ADCY2: variants seen among roughly 807,000 people sequenced by gnomAD.
The protein encoded by ADCY2 is adenylate cyclase type 2.
ADCY2 carries 31 observed loss-of-function variants against 125.2 expected under a neutral mutation model. The ratio of observed to expected loss-of-function variants is 0.25; its 90% CI spans 0.19 to 0.33. The LOEUF is 0.33. Ranked by LOEUF, ADCY2 falls within the 10% of genes least tolerant of loss-of-function variation. The probability of loss-of-function intolerance (pLI) is 1.00; values close to 1 mark genes in which losing one functional copy is unlikely to be tolerated. For synonymous variants in ADCY2, 512 were observed against 548.4 expected (o/e 0.93, Z 0.93); for missense variants, 904 against 1,418.2 (o/e 0.64, Z 5.82).
chr5:7,471,080 T>C (rs906211935), intron 2 of ADCY2, among the ~76,000 whole-genome samples: 2 of 151,870 alleles, frequency 1.3e-5, no homozygotes, highest in Admixed American at 6.6e-5. Flanking sequence ...ATATAGCCAC[T>C]CTAGTTTTCT....
chr5:7,789,558 CT>C, intron 19 of ADCY2, 83 bp from the exon 20 acceptor site: 1 of 1,389,152 alleles, frequency 7.2e-7, no homozygotes. Context: ...TCATTTTGTT[CT>C]TTTTGTTTTC....
At position 7,802,078 on chromosome 5, in the gene ADCY2, G is replaced by A. The variant is rs1046315846; in HGVS notation, c.2629-140G>A. 2.4e-5 allele frequency: 22 copies of A among 900,170 alleles called. No individual in the cohort carries two copies. Among genetic ancestry groups the A allele is most frequent in the Admixed American group, 1.6e-4 (6 of 37,750 alleles). 55.8% of individuals were successfully genotyped at this position (900,170 alleles called of 1,614,324 possible). A position where few individuals can be genotyped will look rare whatever the true frequency, so the allele number is the denominator to read the frequency against. On this transcript the variant is annotated intron_variant, in intron 20 of 24. Coordinates refer to ENST00000338316, the MANE Select transcript of ADCY2 (RefSeq NM_020546.3). The surrounding 1 kb of genome is among the most constrained non-coding windows in gnomAD (Gnocchi z 4.6). Reference sequence around the variant, plus strand: ...GCAGCGGCAGCATCTGGATTGGGCCGCGGCTGGGGTGGGGCAAGTGGAGTA... The same window carrying A: ...GCAGCGGCAGCATCTGGATTGGGCCACGGCTGGGGTGGGGCAAGTGGAGTA...
chr5:7,481,457 C>T (rs1253187514), intron 2 of ADCY2, among the ~76,000 whole-genome samples: 2 of 151,034 alleles, frequency 1.3e-5, no homozygotes, highest in Admixed American at 6.6e-5. Context: ...TTAGTAGAGA[C>T]GGGGTTTCAC....
chr5:7,589,483 A>G (rs1453681482), intron 3 of ADCY2, among the ~76,000 whole-genome samples: 4 of 63,666 alleles, frequency 6.3e-5, no homozygotes, highest in African/African-American at 1.4e-4. Context: ...AGAAAGAAAG[A>G]AAGAAAGAAA....
chr5:7,733,353 T>C (rs943668271), intron 14 of ADCY2, among the ~76,000 whole-genome samples: 29 of 152,354 alleles, frequency 1.9e-4, no homozygotes, highest in African/African-American at 6.3e-4. Context: ...CAGAGTGATG[T>C]AGACAAGTCT....
intron 2 of ADCY2, among the ~76,000 whole-genome samples, chr5:7,509,198 T>G (rs1183494897): frequency 6.6e-6 from 1 of 152,168 alleles, no homozygotes; most frequent in South Asian, 2.1e-4. Flanking sequence ...AGAAAATGCA[T>G]GTATATTGTA....
chr5:7,504,821 C>CTTA lies in ADCY2; in HGVS notation c.409-15902_409-15900dup, dbSNP rs576438652. 1.3e-3 allele frequency among the ~76,000 whole-genome samples: 192 copies of CTTA among 150,026 alleles called. 1 individual carries two copies. The highest frequency in any genetic ancestry group is 7.4e-3 in the South Asian group (35 of 4,706). ...ACCATGCCTGACCAAAAATTGCAGC[C>CTTA]TTATTATTATTATTATTTTTTAAAG... On this transcript the variant is annotated intron_variant, in intron 2 of 24. Transcript: ENST00000338316.
At chr5:7,780,362 C>T (rs1389585522) in intron 18 of ADCY2, among the ~76,000 whole-genome samples, 1 of 152,180 alleles carries the variant, frequency 6.6e-6, no homozygotes, top group Non-Finnish European at 1.5e-5. Flanking sequence ...CTTTCTGCAT[C>T]GTTTGATACT....
At chr5:7,603,784 C>CTTTTTTTTTTTTTTT in intron 3 of ADCY2, among the ~76,000 whole-genome samples, 96 of 62,784 alleles carry the variant, frequency 1.5e-3, no homozygotes, top group South Asian at 2.0e-3. Flanking sequence ...TGCTCTCTTT[C>CTTTTTTTTTTTTTTT]TTTTTTTTTT....
chr5:7,622,057 T>G (rs1412787969), intron 3 of ADCY2, among the ~76,000 whole-genome samples: 2 of 152,174 alleles, frequency 1.3e-5, no homozygotes, highest in Non-Finnish European at 2.9e-5. Context: ...AGTAGCTAAA[T>G]GAAGCAAGAA....
rs113928215 is a variant in ADCY2 at position 7,540,520 on chromosome 5, C to A, written c.570+19621C>A. Reference sequence around the variant, plus strand: ...TCTGCTGGATTTTAAGCAGATGCTTCGGATTTCATGAAGCACATTTACATT... The same window carrying A: ...TCTGCTGGATTTTAAGCAGATGCTTAGGATTTCATGAAGCACATTTACATT... On this transcript the variant is annotated intron_variant, in intron 3 of 24. Coordinates refer to ENST00000338316, the MANE Select transcript of ADCY2 (RefSeq NM_020546.3). 2.0e-5 allele frequency among the ~76,000 whole-genome samples: 3 copies of A among 152,282 alleles called. No individual in the cohort carries two copies. The East Asian group carries it at 5.8e-4, about 29-fold the overall frequency.
At chr5:7,759,386 T>A (rs533257227) in intron 16 of ADCY2, among the ~76,000 whole-genome samples, 2 of 152,154 alleles carry the variant, frequency 1.3e-5, no homozygotes, top group South Asian at 4.1e-4. Flanking sequence ...GTTCAAAGGC[T>A]CATCTGTTGC....
intron 7 of ADCY2, among the ~76,000 whole-genome samples, chr5:7,699,329 T>C (rs890181874): frequency 8.2e-4 from 124 of 151,272 alleles, no homozygotes; most frequent in Non-Finnish European, 1.4e-3. Context: ...GATCTCCTGA[T>C]CTCGTGATCC....
intron 3 of ADCY2, among the ~76,000 whole-genome samples, chr5:7,550,734 C>T (rs1312493830): frequency 6.6e-6 from 1 of 152,104 alleles, no homozygotes; most frequent in Admixed American, 6.6e-5. Context: ...CCTGAGGCAG[C>T]GCCCATCCCA....
chr5:7,578,095 A>G (rs887012208), intron 3 of ADCY2, among the ~76,000 whole-genome samples: 1 of 152,246 alleles, frequency 6.6e-6, no homozygotes, highest in Admixed American at 6.5e-5. Context: ...AATAAAAGCC[A>G]ACAGACTGAA....
chr5:7,477,523 A>G (rs892046134), intron 2 of ADCY2, among the ~76,000 whole-genome samples: 9 of 152,192 alleles, frequency 5.9e-5, no homozygotes, highest in Non-Finnish European at 1.2e-4. Context: ...AGGTGCCAGA[A>G]AAGACAGCAC....
At chr5:7,697,263 A>G (rs1323074059) in intron 6 of ADCY2, among the ~76,000 whole-genome samples, 1 of 152,118 alleles carries the variant, frequency 6.6e-6, no homozygotes, top group Non-Finnish European at 1.5e-5. Flanking sequence ...CCATAACAGA[A>G]GTACTCAACG....
intron 3 of ADCY2, among the ~76,000 whole-genome samples, chr5:7,576,762 A>C (rs535556710): frequency 3.9e-5 from 6 of 152,184 alleles, no homozygotes; most frequent in Non-Finnish European, 8.8e-5. Context: ...GAACCATTTT[A>C]CCCACACCCC....
At chr5:7,454,274 G>C (rs1002333301) in intron 2 of ADCY2, among the ~76,000 whole-genome samples, 1 of 152,218 alleles carries the variant, frequency 6.6e-6, no homozygotes, top group South Asian at 2.1e-4. Flanking sequence ...TTTAAATTAA[G>C]GTATGTGCAT....
Sources: allele counts gnomAD v4.1 joint callset (sites outside exome capture counted in the v4.1 genomes callset), GRCh38; gene constraint gnomAD v4.1.1; non-coding constraint Gnocchi (gnomAD v3.1); transcripts MANE v1.5; gene names NCBI Gene and HGNC (gene_info 2026-07-23, HGNC 2026-07-21).